ROBO1: variants seen among roughly 807,000 people sequenced by gnomAD.
The protein encoded by ROBO1 is roundabout homolog 1.
ROBO1 carries 149 observed loss-of-function variants against 195.9 expected under a neutral mutation model. The observed-to-expected ratio is 0.76, with a 90% CI of 0.67 to 0.87. ROBO1 has a LOEUF of 0.87. Ranked by LOEUF, ROBO1 falls within the 40% of genes least tolerant of loss-of-function variation. The pLI is 0.00. For synonymous variants in ROBO1, 816 were observed against 733.2 expected (o/e 1.11, Z -1.82); for missense variants, 1,933 against 2,068.3 (o/e 0.93, Z 1.27).
intron 1 of ROBO1, among the ~76,000 whole-genome samples, chr3:79,693,328 T>C (rs1947348111): frequency 6.6e-6 from 1 of 151,784 alleles, no homozygotes; most frequent in Admixed American, 6.6e-5. Context: ...AGTAGTTTTA[T>C]TGAAATACAC....
At chr3:79,538,316 T>A (rs1941948660) in intron 2 of ROBO1, among the ~76,000 whole-genome samples, 1 of 152,134 alleles carries the variant, frequency 6.6e-6, no homozygotes, top group African/African-American at 2.4e-5. Flanking sequence ...ATACCCTTCC[T>A]TTGAGGATGT....
At chr3:79,592,033 T>C (rs1177807803) in intron 1 of ROBO1, among the ~76,000 whole-genome samples, 1 of 151,940 alleles carries the variant, frequency 6.6e-6, no homozygotes, top group Non-Finnish European at 1.5e-5. Flanking sequence ...ACTTGCTTAT[T>C]ACTTAAAAAT....
At chr3:78,996,609 T>G (rs2077372496) in intron 3 of ROBO1, among the ~76,000 whole-genome samples, 1 of 152,106 alleles carries the variant, frequency 6.6e-6, no homozygotes, top group Non-Finnish European at 1.5e-5. Flanking sequence ...GCTTTACTGA[T>G]GTATTGATAA....
chr3:78,642,516 C>T (rs1174638413), intron 21 of ROBO1, among the ~76,000 whole-genome samples: 2 of 152,182 alleles, frequency 1.3e-5, no homozygotes, highest in African/African-American at 4.8e-5. Flanking sequence ...TCTATTTCCT[C>T]ACCTCCCACC....
At chr3:79,615,240 A>C (rs557387985) in intron 1 of ROBO1, among the ~76,000 whole-genome samples, 1 of 152,262 alleles carries the variant, frequency 6.6e-6, no homozygotes, top group Admixed American at 6.5e-5. Context: ...CCTTATCTTA[A>C]CTTAAATACT....
chr3:78,664,406 CACAG>C (rs1389126560), intron 14 of ROBO1, among the ~76,000 whole-genome samples: 3 of 152,116 alleles, frequency 2.0e-5, no homozygotes, highest in African/African-American at 2.4e-5. Flanking sequence ...AAGAATGATA[CACAG>C]ACAGGGCACA....
chr3:79,222,886 A>C (rs962294033), intron 2 of ROBO1, among the ~76,000 whole-genome samples: 13 of 152,140 alleles, frequency 8.5e-5, no homozygotes, highest in Non-Finnish European at 1.2e-4. Context: ...TTTAGACCAG[A>C]TAGGATTTTC....
chr3:79,320,893 G>C (rs62259734), intron 2 of ROBO1, among the ~76,000 whole-genome samples: 1 of 152,022 alleles, frequency 6.6e-6, no homozygotes, highest in African/African-American at 2.4e-5. Context: ...GTAGAATTTG[G>C]TTACATTTGT....
intron 3 of ROBO1, among the ~76,000 whole-genome samples, chr3:79,117,720 A>C (rs1479017019): frequency 1.3e-5 from 2 of 152,202 alleles, no homozygotes; most frequent in Non-Finnish European, 2.9e-5. Context: ...TAACAGTAAA[A>C]TGTTTTACTT....
chr3:78,834,093 G>A (rs185379846), intron 4 of ROBO1, among the ~76,000 whole-genome samples: 191 of 152,114 alleles, frequency 1.3e-3, no homozygotes, highest in Non-Finnish European at 2.4e-3. Flanking sequence ...GAAAATTATC[G>A]CTTATGTACT....
At chr3:78,845,899 A>AGACTAATAAATTATTCTTCC (rs2033633929) in intron 4 of ROBO1, among the ~76,000 whole-genome samples, 1 of 152,170 alleles carries the variant, frequency 6.6e-6, no homozygotes, top group Admixed American at 6.6e-5. Flanking sequence ...AGAATTCTTC[A>AGACTAATAAATTATTCTTCC]GACTAATAAA....
chr3:79,171,575 A>G (rs932170811), intron 2 of ROBO1, among the ~76,000 whole-genome samples: 1 of 152,158 alleles, frequency 6.6e-6, no homozygotes, highest in Non-Finnish European at 1.5e-5. Context: ...ACACACATAC[A>G]TAAAGGGATA....
intron 2 of ROBO1, among the ~76,000 whole-genome samples, chr3:79,508,199 C>A (rs569535637): frequency 1.6e-4 from 25 of 152,132 alleles, no homozygotes; most frequent in African/African-American, 5.3e-4. Context: ...CACATGTACA[C>A]CTATGTAACA....
chr3:79,690,154 A>G (rs1341298044), intron 1 of ROBO1, among the ~76,000 whole-genome samples: 1 of 151,886 alleles, frequency 6.6e-6, no homozygotes, highest in Non-Finnish European at 1.5e-5. Context: ...CACCCCAAAA[A>G]TATCTGTGTC....
chr3:78,797,141 C>A (rs964126850), intron 4 of ROBO1, among the ~76,000 whole-genome samples: 3 of 152,138 alleles, frequency 2.0e-5, no homozygotes, highest in Non-Finnish European at 4.4e-5. Flanking sequence ...CTGGTAACAA[C>A]CTATATTTCC....
chr3:79,429,798 C>A (rs1490931939), intron 2 of ROBO1, among the ~76,000 whole-genome samples: 1 of 152,064 alleles, frequency 6.6e-6, no homozygotes, highest in African/African-American at 2.4e-5. Context: ...AGTTTCTTTA[C>A]CTTTTTATTT....
In ROBO1 at chr3:78,606,810, T is replaced by A; in HGVS notation, c.4667A>T (p.Gln1556Leu). 6.2e-7 allele frequency: 1 copy of A among 1,613,982 alleles called. No individual in the cohort carries two copies. Among genetic ancestry groups the A allele is most frequent in the Non-Finnish European group, 8.5e-7 (1 of 1,179,894 alleles). ...NPGDPREAQE[Q>L]QNDGKGRGNK... ...TCCACGTCCTTTCCCGTCATTTTGC[T>A]GTTCCTGTGCTTCTCTGGGATCACC... The change falls in exon 29 of 31, where the codon CAG becomes CTG. Residue 1556 changes from glutamine (Q) to leucine (L), a missense_variant. Physicochemically the swap from Gln to Leu is moderately radical, Grantham distance 113. This residue lies in a region of ROBO1 where 1,737 missense variants were observed against 1,882.5 expected (regional missense o/e 0.92). Coordinates refer to ENST00000464233, the MANE Select transcript of ROBO1 (RefSeq NM_002941.4).
intron 1 of ROBO1, among the ~76,000 whole-genome samples, chr3:79,758,802 A>C (rs986303310): frequency 2.6e-5 from 4 of 152,142 alleles, no homozygotes; most frequent in African/African-American, 9.7e-5. Flanking sequence ...GGAGTCTATG[A>C]AAGGCAGAGT....
At chr3:79,355,239 C>A (rs1451604746) in intron 2 of ROBO1, among the ~76,000 whole-genome samples, 1 of 151,516 alleles carries the variant, frequency 6.6e-6, no homozygotes, top group Non-Finnish European at 1.5e-5. Context: ...TAAAAAAATA[C>A]TACTAATTAT....
Sources: allele counts gnomAD v4.1 joint callset (sites outside exome capture counted in the v4.1 genomes callset), GRCh38; gene constraint gnomAD v4.1.1; regional missense constraint gnomAD v4.1.1; transcripts MANE v1.5; gene names NCBI Gene and HGNC (gene_info 2026-07-23, HGNC 2026-07-21).